The following VAV2 variants were observed in gnomAD, a reference collection of about 807,000 sequenced individuals.
VAV2 encodes vav guanine nucleotide exchange factor 2, also known as guanine nucleotide exchange factor VAV2.
VAV2 carries 67 observed loss-of-function variants against 132.5 expected under a neutral mutation model. The observed-to-expected ratio is 0.51, with a 90% CI of 0.42 to 0.62. VAV2 has a LOEUF of 0.62. VAV2 is among the 20% of genes least tolerant of loss of function. The pLI is 0.00. For synonymous variants in VAV2, 492 were observed against 443.5 expected (o/e 1.11, Z -1.37); for missense variants, 938 against 1,153.6 (o/e 0.81, Z 2.71).
At chr9:133,907,348 G>A (rs377248125) in intron 2 of VAV2, among the ~76,000 whole-genome samples, 6 of 152,150 alleles carry the variant, frequency 3.9e-5, no homozygotes, top group Non-Finnish European at 5.9e-5. Flanking sequence ...GGCCCCTCCC[G>A]GATGCCGGTC....
intron 1 of VAV2, among the ~76,000 whole-genome samples, chr9:133,983,442 G>A (rs1042307870): frequency 2.6e-5 from 4 of 152,070 alleles, no homozygotes; most frequent in African/African-American, 9.7e-5. Context: ...GCTCACCCAC[G>A]CCAGGCCCCC....
chr9:133,830,422 C>CTA (rs1306546606), intron 4 of VAV2, among the ~76,000 whole-genome samples: 15 of 152,254 alleles, frequency 9.9e-5, no homozygotes, highest in African/African-American at 3.6e-4. Flanking sequence ...CGGTGACCCT[C>CTA]GTATCGCTCA....
intron 1 of VAV2, among the ~76,000 whole-genome samples, chr9:133,963,636 A>T (rs909956578): frequency 3.3e-5 from 5 of 152,330 alleles, no homozygotes; most frequent in East Asian, 1.9e-4. Context: ...AGCACCAGAA[A>T]GCCATTGAAA....
intron 1 of VAV2, 47 bp from the exon 2 acceptor site, chr9:133,939,266 T>C (rs747256057): frequency 4.2e-5 from 65 of 1,535,862 alleles, no homozygotes; most frequent in Non-Finnish European, 5.2e-5. Context: ...TTATTAAAAC[T>C]GTAAGCTCTG....
chr9:133,791,638 C>T (rs1834466481), intron 13 of VAV2, 145 bp downstream of exon 13: 1 of 674,036 alleles, frequency 1.5e-6, no homozygotes, highest in Admixed American at 2.3e-5. Context: ...TGAGATCAAA[C>T]TCAGAAGTTG....
chr9:133,888,016 T>G (rs1449309534), intron 2 of VAV2, among the ~76,000 whole-genome samples: 1 of 152,094 alleles, frequency 6.6e-6, no homozygotes, highest in Non-Finnish European at 1.5e-5. Flanking sequence ...GGCTGAAGGG[T>G]AGACCCTGCC....
chr9:133,942,808 G>A (rs1841219858), intron 1 of VAV2, among the ~76,000 whole-genome samples: 1 of 152,162 alleles, frequency 6.6e-6, no homozygotes, highest in South Asian at 2.1e-4. Context: ...TCCTCCTGGT[G>A]CAGCTCTGGG....
chr9:133,982,430 A>C (rs372831129), intron 1 of VAV2, among the ~76,000 whole-genome samples: 1 of 124,664 alleles, frequency 8.0e-6, no homozygotes, highest in South Asian at 2.5e-4. Context: ...ACAAGAGGGG[A>C]CCTAGGACGG....
chr9:133,780,029 C>A (rs766412424), intron 20 of VAV2, 90 bp from the exon 21 acceptor site: 11 of 1,563,968 alleles, frequency 7.0e-6, no homozygotes, highest in East Asian at 6.7e-5. Context: ...TCCCTGTCCC[C>A]ACTAGTTCCT....
intron 1 of VAV2, among the ~76,000 whole-genome samples, chr9:133,983,878 C>T (rs370742233): frequency 2.1e-5 from 3 of 144,908 alleles, no homozygotes; most frequent in Admixed American, 1.5e-4. Flanking sequence ...CCCTCATTTT[C>T]GTTACTGTCC....
rs1349970812 is a variant in VAV2 at position 133,896,017 on chromosome 9, A to C, written c.322-34585T>G. The stretch of plus-strand genomic sequence containing the variant: ...AGGGTCATAGGACAATAGTGGAGGG[A>C]AGGTCAGCAGATAAACAAGTGAACA... On this transcript the variant is annotated intron_variant, in intron 2 of 29. Coordinates refer to ENST00000371850, the MANE Select transcript of VAV2 (RefSeq NM_001134398.2). 2.3e-5 allele frequency among the ~76,000 whole-genome samples: 3 copies of C among 133,332 alleles called. 1 individual carries two copies. Among genetic ancestry groups the C allele is most frequent in the African/African-American group, 9.0e-5 (3 of 33,348 alleles). 87.5% of individuals were successfully genotyped at this position (133,332 alleles called of 152,430 possible).
chr9:133,979,291 C>T (rs1842616370), intron 1 of VAV2, among the ~76,000 whole-genome samples: 3 of 152,194 alleles, frequency 2.0e-5, no homozygotes, highest in Admixed American at 2.0e-4. Flanking sequence ...ATGCAGGGTC[C>T]AGAGAGGCGC....
At chr9:133,792,465 T>C (rs1480859522) in intron 12 of VAV2, among the ~76,000 whole-genome samples, 3 of 38,430 alleles carry the variant, frequency 7.8e-5, no homozygotes, top group Non-Finnish European at 1.6e-4. Context: ...GTGTGTGTGA[T>C]TGTGTGTGTG....
chr9:133,851,711 A>G lies in VAV2; in HGVS notation c.380+9663T>C, dbSNP rs1378871094. Among the ~76,000 whole-genome samples the G allele has an allele frequency of 4.3e-5, 6 of 138,794 alleles. No individual in the cohort carries two copies. In the South Asian group the frequency reaches 7.2e-4, roughly 17 times the overall value. 91.1% of individuals were successfully genotyped at this position (138,794 alleles called of 152,430 possible). On this transcript the variant is annotated intron_variant, in intron 3 of 29. Coordinates refer to ENST00000371850, the MANE Select transcript of VAV2 (RefSeq NM_001134398.2). ...GGATGGATGGATGAGTGGATAAATG[A>G]ATGGATGAATAGATGGGTGAATGAA... is the stretch of plus-strand genomic sequence containing the variant.
intron 3 of VAV2, among the ~76,000 whole-genome samples, chr9:133,853,513 C>T (rs545631890): frequency 2.6e-5 from 4 of 152,272 alleles, no homozygotes; most frequent in African/African-American, 9.6e-5. Flanking sequence ...GCAACTCCCA[C>T]AGGTGTGGCA....
chr9:133,975,502 G>T (rs189454833), intron 1 of VAV2, among the ~76,000 whole-genome samples: 3 of 152,082 alleles, frequency 2.0e-5, no homozygotes, highest in South Asian at 2.1e-4. Flanking sequence ...TTCAAAACAC[G>T]ACATGTATTG....
intron 19 of VAV2, among the ~76,000 whole-genome samples, chr9:133,781,179 G>A (rs773637096): frequency 1.1e-4 from 17 of 152,184 alleles, no homozygotes; most frequent in Non-Finnish European, 2.5e-4. Flanking sequence ...GTGATGAGGA[G>A]GCATTGGTAC....
intron 1 of VAV2, among the ~76,000 whole-genome samples, chr9:133,964,050 C>CATATATATAT (rs757580734): frequency 3.5e-5 from 3 of 84,874 alleles, no homozygotes; most frequent in East Asian, 2.8e-4. Flanking sequence ...TATATATATA[C>CATATATATAT]ATATATATAC....
At position 133,879,214 on chromosome 9, in the gene VAV2, C is replaced by A. The variant is rs1838390047; in HGVS notation, c.322-17782G>T. ...CCTCTGTAACGAGGCCCTCTGGGGG[C>A]TCTTGCTTCCTCACTCAGGTGTGCA... On this transcript the variant is annotated intron_variant, in intron 2 of 29. Coordinates refer to ENST00000371850, the MANE Select transcript of VAV2 (RefSeq NM_001134398.2). The surrounding 1 kb of genome is among the most constrained non-coding windows in gnomAD (Gnocchi z 4.4). 6.6e-6 allele frequency among the ~76,000 whole-genome samples: 1 copy of A among 152,164 alleles called. No homozygotes were observed. Among genetic ancestry groups the A allele is most frequent in the Non-Finnish European group, 1.5e-5 (1 of 68,034 alleles).
Sources: allele counts gnomAD v4.1 joint callset (sites outside exome capture counted in the v4.1 genomes callset), GRCh38; gene constraint gnomAD v4.1.1; non-coding constraint Gnocchi (gnomAD v3.1); transcripts MANE v1.5; gene names NCBI Gene and HGNC (gene_info 2026-07-23, HGNC 2026-07-21).